NKAIN3: variants seen among roughly 807,000 people sequenced by gnomAD.
NKAIN3 encodes sodium/potassium transporting ATPase interacting 3.
NKAIN3 carries 25 observed loss-of-function variants against 30.2 expected under a neutral mutation model. The observed-to-expected ratio is 0.83, with a 90% CI of 0.60 to 1.16. The LOEUF (loss-of-function observed/expected upper bound fraction) is 1.16. Among genes scored for constraint, NKAIN3 ranks in the 50% most tolerant of loss-of-function variants. NKAIN3 has a pLI of 0.00. For synonymous variants in NKAIN3, 91 were observed against 89.6 expected, an observed-to-expected ratio of 1.02 and a Z score of -0.09; for missense variants, 225 against 254.1, an observed-to-expected ratio of 0.89 and a Z score of 0.78.
intron 4 of NKAIN3, among the ~76,000 whole-genome samples, chr8:62,818,209 T>A (rs537099419): frequency 6.6e-6 from 1 of 152,264 alleles, no homozygotes; most frequent in African/African-American, 2.4e-5. Context: ...TGTTTGATAT[T>A]TACAACAGTT....
intron 6 of NKAIN3, among the ~76,000 whole-genome samples, chr8:62,962,686 C>T (rs1823602370): frequency 6.6e-6 from 1 of 152,102 alleles, no homozygotes; most frequent in South Asian, 2.1e-4. Flanking sequence ...CAAGTGTCGA[C>T]TGGTTAAGAA....
chr8:62,868,810 G>C (rs1053319353), intron 4 of NKAIN3, among the ~76,000 whole-genome samples: 1 of 152,194 alleles, frequency 6.6e-6, no homozygotes, highest in Non-Finnish European at 1.5e-5. Context: ...TGCCTTATGA[G>C]AACATCATGC....
chr8:62,876,155 C>T (rs185480845), intron 4 of NKAIN3, among the ~76,000 whole-genome samples: 8 of 152,042 alleles, frequency 5.3e-5, no homozygotes, highest in Middle Eastern at 3.4e-3. Flanking sequence ...CATCAAAAAG[C>T]GGGCAAAGGA....
rs530944782 is a variant in NKAIN3 at position 62,827,404 on chromosome 8, C to T, written c.471+80275C>T. 2.0e-5 allele frequency among the ~76,000 whole-genome samples: 3 copies of T among 152,282 alleles called. No individual in the cohort carries two copies. In the East Asian group the frequency reaches 5.8e-4, roughly 29 times the overall value. On this transcript the variant is annotated intron_variant, in intron 4 of 6. Coordinates refer to ENST00000623646, the MANE Select transcript of NKAIN3 (RefSeq NM_001304533.3). Reference sequence around the variant, plus strand: ...TACAGGTTAAACCGAGCAGTGTTACCTTGATTTGCTCTCATAATGTGATTT... The same window carrying T: ...TACAGGTTAAACCGAGCAGTGTTACTTTGATTTGCTCTCATAATGTGATTT...
intron 6 of NKAIN3, among the ~76,000 whole-genome samples, chr8:62,961,149 T>C: frequency 6.6e-6 from 1 of 152,038 alleles, no homozygotes; most frequent in East Asian, 1.9e-4. Context: ...GGAGTTGTAG[T>C]GCGTGACTGT....
chr8:62,620,028 G>A (rs1432281357), intron 3 of NKAIN3, among the ~76,000 whole-genome samples: 1 of 152,166 alleles, frequency 6.6e-6, no homozygotes, highest in Non-Finnish European at 1.5e-5. Flanking sequence ...TCTCAAAAGA[G>A]TTTTACCTGA....
intron 1 of NKAIN3, among the ~76,000 whole-genome samples, chr8:62,384,007 A>C (rs1349682447): frequency 6.6e-6 from 1 of 151,852 alleles, no homozygotes; most frequent in East Asian, 1.9e-4. Flanking sequence ...GTAATTTTGT[A>C]ACTTTTCTCT....
chr8:62,535,001 A>G lies in NKAIN3; in HGVS notation c.55-44538A>G, dbSNP rs1406660200. Among the ~76,000 whole-genome samples the G allele has an allele frequency of 3.3e-5, 5 of 152,126 alleles. No homozygotes were observed. The East Asian group carries it at 9.6e-4, about 29-fold the overall frequency. On this transcript the variant is annotated intron_variant, in intron 1 of 6. Transcript: ENST00000623646. ...TTGCAGATGTATAATTGGAATTCAA[A>G]TTGATTTGTGTGCATGCTTTTTTAT... is the stretch of plus-strand genomic sequence containing the variant.
chr8:62,328,328 T>G (rs1585685549), intron 1 of NKAIN3, among the ~76,000 whole-genome samples: 2 of 152,186 alleles, frequency 1.3e-5, no homozygotes, highest in South Asian at 2.1e-4. Context: ...ATGGTTCTTG[T>G]TTTCTTACTT....
intron 4 of NKAIN3, among the ~76,000 whole-genome samples, chr8:62,808,169 G>C (rs376310074): frequency 6.6e-6 from 1 of 152,074 alleles, no homozygotes; most frequent in Non-Finnish European, 1.5e-5. Context: ...TGATTACTTT[G>C]ATGTGTCCAC....
Position 62,368,822 on chromosome 8 carries a change from G to GT in NKAIN3, c.54+119707dup, listed in dbSNP as rs56844812. Among the ~76,000 whole-genome samples the GT allele has an allele frequency of 4.3e-3, 636 of 147,878 alleles. 2 individuals carry two copies. Among genetic ancestry groups the GT allele is most frequent in the African/African-American group, 0.014 (566 of 40,078 alleles). On this transcript the variant is annotated intron_variant, in intron 1 of 6. Coordinates refer to ENST00000623646, the MANE Select transcript of NKAIN3 (RefSeq NM_001304533.3). Reference sequence around the variant, plus strand: ...ATTTTTTCTTTAAAAACTTTTTCTTGTTTTTTTTTTTTAACTTCCCTGAAT... The same window carrying GT: ...ATTTTTTCTTTAAAAACTTTTTCTTGTTTTTTTTTTTTTAACTTCCCTGAAT...
chr8:62,502,950 A>C (rs558888866), intron 1 of NKAIN3, among the ~76,000 whole-genome samples: 2 of 152,260 alleles, frequency 1.3e-5, no homozygotes, highest in Admixed American at 1.3e-4. Context: ...GAAAACTGCA[A>C]AACAGGTCCC....
At chr8:62,754,285 C>A (rs1469025078) in intron 4 of NKAIN3, among the ~76,000 whole-genome samples, 1 of 151,500 alleles carries the variant, frequency 6.6e-6, no homozygotes, top group Non-Finnish European at 1.5e-5. Context: ...CAATAATATC[C>A]AATTTAAGTC....
At chr8:62,811,402 G>T (rs1818484162) in intron 4 of NKAIN3, among the ~76,000 whole-genome samples, 2 of 151,966 alleles carry the variant, frequency 1.3e-5, no homozygotes, top group Admixed American at 1.3e-4. Flanking sequence ...GTAATTTCTG[G>T]ATACTATGGT....
At chr8:62,664,078 C>A (rs939348972) in intron 3 of NKAIN3, among the ~76,000 whole-genome samples, 1 of 152,064 alleles carries the variant, frequency 6.6e-6, no homozygotes, top group Non-Finnish European at 1.5e-5. Flanking sequence ...CATGCATGAT[C>A]TTTCCCAAGG....
chr8:62,886,514 C>T (rs1353938382), intron 4 of NKAIN3, among the ~76,000 whole-genome samples: 1 of 152,054 alleles, frequency 6.6e-6, no homozygotes, highest in Non-Finnish European at 1.5e-5. Context: ...TACTTTACAG[C>T]TCTCTAAAGA....
intron 3 of NKAIN3, among the ~76,000 whole-genome samples, chr8:62,686,601 GAATA>G (rs1354314584): frequency 6.6e-6 from 1 of 152,016 alleles, no homozygotes; most frequent in African/African-American, 2.4e-5. Flanking sequence ...TTTAACACTA[GAATA>G]ATTAATGGAA....
At chr8:62,500,456 A>AGAAG (rs1398712334) in intron 1 of NKAIN3, among the ~76,000 whole-genome samples, 1 of 139,886 alleles carries the variant, frequency 7.1e-6, no homozygotes, top group Non-Finnish European at 1.5e-5. Flanking sequence ...AAAGAAAGAA[A>AGAAG]GAAAGAAAGA....
At chr8:62,651,183 G>A (rs1311958357) in intron 3 of NKAIN3, among the ~76,000 whole-genome samples, 1 of 151,214 alleles carries the variant, frequency 6.6e-6, no homozygotes. Flanking sequence ...CTTAGGAAAA[G>A]TGCAATTTTT....
Sources: gnomAD v4.1 joint callset for allele counts (sites outside exome capture counted in the v4.1 genomes callset) on GRCh38, gnomAD v4.1.1 for gene constraint, MANE v1.5 for transcripts, NCBI Gene and HGNC (gene_info 2026-07-23, HGNC 2026-07-21) for gene names.